ANKRD44: variants seen among roughly 807,000 people sequenced by gnomAD.
ANKRD44 encodes ankyrin repeat domain 44.
Under a neutral mutation model 116.0 loss-of-function variants are expected in ANKRD44, and 35 were observed. That is an observed-to-expected ratio of 0.30 (90% confidence interval 0.23 to 0.40). ANKRD44 has a LOEUF of 0.40. Ranked by LOEUF, ANKRD44 falls within the 10% of genes least tolerant of loss-of-function variation. ANKRD44 has a pLI of 1.00. For synonymous variants in ANKRD44, 435 were observed against 461.8 expected, an observed-to-expected ratio of 0.94 and a Z score of 0.74; for missense variants, 1,014 against 1,242.6, an observed-to-expected ratio of 0.82 and a Z score of 2.77.
At chr2:196,970,659 A>T (rs1286230731) in intron 21 of ANKRD44, among the ~76,000 whole-genome samples, 2 of 152,180 alleles carry the variant, frequency 1.3e-5, no homozygotes, top group Non-Finnish European at 2.9e-5. Context: ...AACAACCAGC[A>T]TAAATTCAGA....
At chr2:197,305,559 T>G (rs1001172869) in intron 1 of ANKRD44, among the ~76,000 whole-genome samples, 2 of 152,184 alleles carry the variant, frequency 1.3e-5, no homozygotes, top group Non-Finnish European at 2.9e-5. Flanking sequence ...GAGTTCGTAT[T>G]TGCTCTCTGT....
intron 1 of ANKRD44, among the ~76,000 whole-genome samples, chr2:197,285,285 C>T (rs572565645): frequency 3.3e-5 from 5 of 152,168 alleles, no homozygotes; most frequent in Admixed American, 1.3e-4. Context: ...GATGGGGCAG[C>T]CAAGAGTTAG....
chr2:197,103,279 GT>G (rs2078345591), intron 9 of ANKRD44, among the ~76,000 whole-genome samples: 1 of 150,904 alleles, frequency 6.6e-6, no homozygotes, highest in Admixed American at 6.6e-5. Flanking sequence ...CTTTTATCAT[GT>G]TTGGGTTTGT....
In ANKRD44 at chr2:197,081,735, A is replaced by C; in HGVS notation, c.1458-10T>G. 1 of 1,605,940 alleles carries C rather than the reference A, an allele frequency of 6.2e-7. No individual in the cohort carries two copies. Among genetic ancestry groups the C allele is most frequent in the Non-Finnish European group, 8.5e-7 (1 of 1,176,146 alleles). ...TCCTAAGATAGTCTTACTTCTCAGC[A>C]TAAAGGATAGAAAAAAAAATTGCAA... On this transcript the variant is annotated splice_polypyrimidine_tract_variant and intron_variant, in intron 14 of 27. Coordinates refer to ENST00000282272, the MANE Select transcript of ANKRD44 (RefSeq NM_001195144.2).
intron 16 of ANKRD44, among the ~76,000 whole-genome samples, chr2:197,055,767 A>G (rs1419653637): frequency 6.6e-6 from 1 of 151,552 alleles, no homozygotes; most frequent in Non-Finnish European, 1.5e-5. Context: ...TCAACTCCCT[A>G]TTCTGTTCTT....
intron 17 of ANKRD44, among the ~76,000 whole-genome samples, chr2:197,024,724 C>T (rs773229147): frequency 6.6e-6 from 1 of 152,170 alleles, no homozygotes; most frequent in African/African-American, 2.4e-5. Context: ...GGCAGAAGGT[C>T]GCAGCTGCAG....
chr2:197,063,270 C>T (rs1674247881), intron 16 of ANKRD44, among the ~76,000 whole-genome samples: 1 of 152,136 alleles, frequency 6.6e-6, no homozygotes, highest in African/African-American at 2.4e-5. Context: ...AACTAACAAA[C>T]AGAAAGGACA....
chr2:197,079,141 AGTTT>A (rs1403581159), intron 15 of ANKRD44, among the ~76,000 whole-genome samples: 1 of 152,278 alleles, frequency 6.6e-6, no homozygotes, highest in East Asian at 1.9e-4. Context: ...CTGAATAGCA[AGTTT>A]TGGAGCTCCA....
At chr2:197,229,403 T>C (rs1367731206) in intron 1 of ANKRD44, among the ~76,000 whole-genome samples, 1 of 152,226 alleles carries the variant, frequency 6.6e-6, no homozygotes, top group African/African-American at 2.4e-5. Context: ...CTTTCATACA[T>C]GTTCCTATCT....
intron 1 of ANKRD44, among the ~76,000 whole-genome samples, chr2:197,280,704 G>C (rs2083239248): frequency 6.6e-6 from 1 of 152,124 alleles, no homozygotes. Context: ...AAATGTAAAA[G>C]CCCATCAAAG....
At chr2:196,989,823 T>C in intron 27 of ANKRD44, 174 bp from the exon 28 acceptor site, 1 of 1,384,392 alleles carries the variant, frequency 7.2e-7, no homozygotes, top group Non-Finnish European at 9.4e-7. Flanking sequence ...AGAAGCTCAT[T>C]TTACTACTGA....
At chr2:197,005,156 T>G (rs1424141086) in intron 21 of ANKRD44, among the ~76,000 whole-genome samples, 1 of 152,178 alleles carries the variant, frequency 6.6e-6, no homozygotes, top group Non-Finnish European at 1.5e-5. Context: ...ACTTCAGATA[T>G]TTCTGTACTT....
downstream of ANKRD44, among the ~76,000 whole-genome samples, chr2:196,982,214 A>G (rs539865630): frequency 6.5e-4 from 99 of 151,238 alleles, 1 homozygote; most frequent in Middle Eastern, 3.4e-3. Flanking sequence ...GCACACAGAG[A>G]CCAGGGCAGT....
chr2:197,078,840 T>C lies in ANKRD44; in HGVS notation c.1539-26A>G, dbSNP rs1331045615. 24 of 1,606,072 alleles carry C rather than the reference T, an allele frequency of 1.5e-5. No individual in the cohort carries two copies. The Admixed American group carries it at 4.0e-4, about 27-fold the overall frequency. On this transcript the variant is annotated intron_variant, in intron 15 of 27. Transcript: ENST00000282272. ...CTGTAAGTATAAAGATGAAGTGTTA[T>C]TTTAGAAAACATCTCTGGACTGAAA...
At chr2:197,183,944 C>T (rs1215076796) in intron 2 of ANKRD44, among the ~76,000 whole-genome samples, 1 of 152,196 alleles carries the variant, frequency 6.6e-6, no homozygotes, top group Non-Finnish European at 1.5e-5. Context: ...CATGATTAAC[C>T]TTCTCCCTAC....
chr2:197,035,393 A>T (rs1410751586), intron 16 of ANKRD44, among the ~76,000 whole-genome samples: 1 of 152,164 alleles, frequency 6.6e-6, no homozygotes, highest in African/African-American at 2.4e-5. Flanking sequence ...CTGCCAAAAG[A>T]GAAAAGTATA....
At chr2:197,229,985 C>T (rs1447571817) in intron 1 of ANKRD44, among the ~76,000 whole-genome samples, 5 of 151,994 alleles carry the variant, frequency 3.3e-5, no homozygotes, top group Non-Finnish European at 7.4e-5. Flanking sequence ...ACAACGCACC[C>T]AGATCATCTA....
intron 1 of ANKRD44, among the ~76,000 whole-genome samples, chr2:197,266,712 G>T (rs969483105): frequency 6.6e-6 from 1 of 151,200 alleles, no homozygotes; most frequent in Non-Finnish European, 1.5e-5. Flanking sequence ...AAAACAAACC[G>T]CACTTCCTAC....
intron 16 of ANKRD44, among the ~76,000 whole-genome samples, chr2:197,066,057 C>A (rs1378279014): frequency 6.6e-6 from 1 of 152,126 alleles, no homozygotes; most frequent in African/African-American, 2.4e-5. Context: ...ACTGGCAAAC[C>A]GAATCCAGCA....
Sources: allele counts gnomAD v4.1 joint callset (sites outside exome capture counted in the v4.1 genomes callset), GRCh38; gene constraint gnomAD v4.1.1; transcripts MANE v1.5; gene names NCBI Gene and HGNC (gene_info 2026-07-23, HGNC 2026-07-21).